The following NEBL variants were observed in gnomAD, a reference collection of about 807,000 sequenced individuals.
NEBL encodes LIM and SH3 protein 2.
A neutral mutation model predicts 140.2 loss-of-function variants in NEBL; 122 were observed. The observed-to-expected ratio is 0.87, with a 90% CI of 0.75 to 1.01. The LOEUF (loss-of-function observed/expected upper bound fraction) is 1.01. NEBL is among the 50% of genes least tolerant of loss of function. NEBL has a pLI of 0.00. For synonymous variants in NEBL, 436 were observed against 398.9 expected (o/e 1.09, Z -1.11); for missense variants, 1,365 against 1,231.3 (o/e 1.11, Z -1.62).
chr10:21,152,606 C>T (rs1840187347), intron 2 of NEBL, among the ~76,000 whole-genome samples: 1 of 151,336 alleles, frequency 6.6e-6, no homozygotes, highest in South Asian at 2.1e-4. Context: ...TCCAGAGCAA[C>T]AAAAGCCAAA....
chr10:21,001,555 G>A (rs1837901078), intron 3 of NEBL, among the ~76,000 whole-genome samples: 1 of 152,082 alleles, frequency 6.6e-6, no homozygotes, highest in African/African-American at 2.4e-5. Context: ...GTAATTAGGA[G>A]GTAACTAACA....
At chr10:21,148,510 G>C in intron 2 of NEBL, among the ~76,000 whole-genome samples, 1 of 151,978 alleles carries the variant, frequency 6.6e-6, no homozygotes, top group African/African-American at 2.4e-5. Context: ...TTTTGTTGTC[G>C]TTGTTGTTTT....
chr10:20,781,002 T>C lies in NEBL; in HGVS notation c.*4745A>G, dbSNP rs1441153283. On this transcript the variant is annotated 3_prime_UTR_variant, in exon 28 of 28. Transcript: ENST00000377122. ...GTCATTTCAATGCTGTTGTACATTA[T>C]GCAGGGGAAATAATGTCTTATTACA... 1 of 152,310 alleles carries C rather than the reference T, an allele frequency of 6.6e-6. No individual in the cohort carries two copies. The highest frequency in any genetic ancestry group is 2.1e-4 in the South Asian group (1 of 4,826). The allele number at this position is 152,310 out of a possible 1,614,324, so 9.4% of individuals were successfully genotyped here. A position where few individuals can be genotyped will look rare whatever the true frequency, so the allele number is the denominator to read the frequency against.
intron 23 of NEBL, 59 bp downstream of exon 23, chr10:20,813,880 C>T (rs773656190): frequency 1.8e-5 from 19 of 1,064,582 alleles, no homozygotes; most frequent in African/African-American, 3.1e-5. Context: ...TAATGCCATC[C>T]GTGCACTGGA....
At chr10:21,022,096 T>C (rs1192310555) in intron 2 of NEBL, among the ~76,000 whole-genome samples, 1 of 152,140 alleles carries the variant, frequency 6.6e-6, no homozygotes, top group East Asian at 1.9e-4. Context: ...AGAGCTGCTG[T>C]CCCATCTACT....
Position 21,173,730 on chromosome 10 carries a change from G to A in NEBL, c.69+35C>T. 6.2e-7 allele frequency: 1 copy of A among 1,611,416 alleles called. No homozygotes were observed. On this transcript the variant is annotated intron_variant, in intron 1 of 6. Coordinates refer to the NEBL transcript ENST00000417816. This position sits in a 1 kb window ranked among gnomAD's most constrained non-coding sequence, Gnocchi z 5.7. ...CGAAGCAGGTGCAGCCCCTCGCCCG[G>A]CAGGTCCAGGCTGGCCCGGCGCCCC...
chr10:21,024,496 G>A (rs1336381763), intron 2 of NEBL, among the ~76,000 whole-genome samples: 4 of 143,308 alleles, frequency 2.8e-5, no homozygotes, highest in Non-Finnish European at 6.1e-5. Context: ...AAATGCAAGA[G>A]AATAAGATCT....
At chr10:20,957,540 C>G (rs1835863164) in intron 4 of NEBL, among the ~76,000 whole-genome samples, 1 of 151,960 alleles carries the variant, frequency 6.6e-6, no homozygotes, top group Non-Finnish European at 1.5e-5. Context: ...TAATATAGGG[C>G]AGGTGAAACA....
intron 3 of NEBL, among the ~76,000 whole-genome samples, chr10:21,003,061 G>A (rs2131720094): frequency 6.9e-6 from 1 of 143,922 alleles, no homozygotes; most frequent in East Asian, 2.1e-4. Context: ...TCCAAAAGGA[G>A]CTCTAAGTTT....
intron 5 of NEBL, among the ~76,000 whole-genome samples, chr10:20,872,813 T>A (rs988510798): frequency 4.6e-5 from 7 of 152,144 alleles, no homozygotes; most frequent in African/African-American, 1.7e-4. Flanking sequence ...CAAGTGCCCA[T>A]GGCAACATCA....
At chr10:20,995,127 G>A (rs16921362) in intron 3 of NEBL, among the ~76,000 whole-genome samples, 2,798 of 152,322 alleles carry the variant, frequency 0.018, 74 homozygotes, top group African/African-American at 0.061. Flanking sequence ...AGCAAAGTCT[G>A]AACGTCAGGA....
chr10:21,281,273 A>G (rs899481875), intron 1 of NEBL, among the ~76,000 whole-genome samples: 2 of 152,082 alleles, frequency 1.3e-5, no homozygotes, highest in African/African-American at 2.4e-5. Context: ...TCCAGCACAA[A>G]ATACCAAGCA....
At chr10:20,824,710 G>T (rs2130862463) in intron 18 of NEBL, among the ~76,000 whole-genome samples, 1 of 152,260 alleles carries the variant, frequency 6.6e-6, no homozygotes, top group South Asian at 2.1e-4. Flanking sequence ...GCTAAGAGAA[G>T]AAATGATATA....
Position 21,173,116 on chromosome 10 carries a change from T to G in NEBL, c.70-639A>C, listed in dbSNP as rs1008108734. 6.6e-6 allele frequency among the ~76,000 whole-genome samples: 1 copy of G among 152,104 alleles called. No homozygotes were observed. The highest frequency in any genetic ancestry group is 1.5e-5 in the Non-Finnish European group (1 of 67,996). On this transcript the variant is annotated intron_variant, in intron 1 of 6. Transcript: ENST00000417816. The surrounding 1 kb of genome is among the most constrained non-coding windows in gnomAD (Gnocchi z 5.7). ...CCTGGGTGTCTCTCTCCCGGGCTGT[T>G]CATCTCCGTCCCTGCCCGGGAAGGG... is the stretch of plus-strand genomic sequence containing the variant.
intron 2 of NEBL, among the ~76,000 whole-genome samples, chr10:21,107,422 G>A (rs1837770755): frequency 6.6e-6 from 1 of 152,106 alleles, no homozygotes; most frequent in African/African-American, 2.4e-5. Context: ...TCTATTGAGA[G>A]AATCAAGTGG....
intron 2 of NEBL, among the ~76,000 whole-genome samples, chr10:21,125,189 C>G (rs1279234403): frequency 6.6e-6 from 1 of 151,682 alleles, no homozygotes; most frequent in Non-Finnish European, 1.5e-5. Flanking sequence ...TCTAGAAGCT[C>G]ACAGGCACAC....
intron 4 of NEBL, among the ~76,000 whole-genome samples, chr10:20,930,716 C>T (rs1049706267): frequency 2.0e-5 from 3 of 152,192 alleles, no homozygotes; most frequent in African/African-American, 4.8e-5. Context: ...TCTACTTAGA[C>T]ATGAGCCACA....
intron 2 of NEBL, among the ~76,000 whole-genome samples, chr10:21,162,704 A>G (rs1840604574): frequency 6.6e-6 from 1 of 152,248 alleles, no homozygotes; most frequent in African/African-American, 2.4e-5. Flanking sequence ...AAACACGACC[A>G]TCATACAAAG....
At chr10:21,247,149 G>A (rs1444738237) in intron 3 of NEBL, among the ~76,000 whole-genome samples, 4 of 152,114 alleles carry the variant, frequency 2.6e-5, no homozygotes, top group Non-Finnish European at 1.5e-5. Flanking sequence ...CCCCCGCTAT[G>A]CTTCCTGTGT....
Sources: gnomAD v4.1 joint callset for allele counts (sites outside exome capture counted in the v4.1 genomes callset) on GRCh38, gnomAD v4.1.1 for gene constraint, Gnocchi (gnomAD v3.1) non-coding constraint, MANE v1.5 for transcripts, NCBI Gene and HGNC (gene_info 2026-07-23, HGNC 2026-07-21) for gene names.